The following GRM7 variants were observed in gnomAD, a reference collection of about 807,000 sequenced individuals.
The protein encoded by GRM7 is metabotropic glutamate receptor 7.
GRM7 carries 35 observed loss-of-function variants against 84.5 expected under a neutral mutation model. That is an observed-to-expected ratio of 0.41 (90% CI 0.32 to 0.55). The LOEUF is 0.55. GRM7 is among the 20% of genes least tolerant of loss of function. The pLI, the probability that GRM7 is intolerant of heterozygous loss-of-function variation, is 0.19. For synonymous variants in GRM7, 487 were observed against 455.1 expected, an observed-to-expected ratio of 1.07 and a Z score of -0.89; for missense variants, 1,003 against 1,194.6, an observed-to-expected ratio of 0.84 and a Z score of 2.36.
chr3:7,494,004 ATT>A (rs997723012), intron 7 of GRM7, among the ~76,000 whole-genome samples: 3 of 152,082 alleles, frequency 2.0e-5, no homozygotes, highest in Non-Finnish European at 4.4e-5. Context: ...TGGTGTTACC[ATT>A]TTGTCTCAGT....
chr3:7,576,648 C>T (rs932062582), intron 7 of GRM7, among the ~76,000 whole-genome samples: 2 of 152,130 alleles, frequency 1.3e-5, no homozygotes, highest in African/African-American at 4.8e-5. Context: ...AAACATGTCT[C>T]AGACTTTCCA....
chr3:6,929,665 A>G (rs1259190111), intron 1 of GRM7, among the ~76,000 whole-genome samples: 2 of 152,226 alleles, frequency 1.3e-5, no homozygotes, highest in African/African-American at 2.4e-5. Flanking sequence ...ACTGTCAATA[A>G]GATGCATATA....
intron 1 of GRM7, among the ~76,000 whole-genome samples, chr3:7,122,931 C>A (rs1693273081): frequency 1.0e-5 from 1 of 97,912 alleles, no homozygotes. Context: ...AGGGTGGGAA[C>A]AACCTGCAGC....
At chr3:7,414,886 A>AT (rs555467153) in intron 4 of GRM7, 137 bp from the exon 5 acceptor site, 27,807 of 432,916 alleles carry the variant, frequency 0.064, 4 homozygotes, top group East Asian at 0.091. Flanking sequence ...CCTTCTGTTA[A>AT]TTTTTTTTTT....
intron 2 of GRM7, among the ~76,000 whole-genome samples, chr3:7,296,202 C>A (rs1699810010): frequency 6.6e-6 from 1 of 151,840 alleles, no homozygotes; most frequent in African/African-American, 2.4e-5. Context: ...ATTGATTTTT[C>A]AAATAATAAA....
chr3:7,394,731 T>C (rs1318417365), intron 4 of GRM7, among the ~76,000 whole-genome samples: 5 of 152,108 alleles, frequency 3.3e-5, no homozygotes, highest in Admixed American at 3.3e-4. Context: ...AGACCTGAGT[T>C]TGAATTCATT....
At chr3:7,351,867 G>A (rs73113776) in intron 4 of GRM7, among the ~76,000 whole-genome samples, 6,131 of 151,946 alleles carry the variant, frequency 0.04, 271 homozygotes, top group African/African-American at 0.11. Context: ...TTGGTTTTGA[G>A]GCTTTCAAAC....
intron 8 of GRM7, among the ~76,000 whole-genome samples, chr3:7,667,619 A>T: frequency 6.6e-6 from 1 of 151,728 alleles, no homozygotes; most frequent in South Asian, 2.1e-4. Context: ...TTTTCTAAGA[A>T]TTTTTTTTTC....
intron 1 of GRM7, chr3:6,956,523 A>C (rs979950652): frequency 4.4e-6 from 2 of 454,302 alleles, no homozygotes; most frequent in South Asian, 3.1e-5. Context: ...AACCAGAGAG[A>C]TTTCTGTGGC....
At chr3:7,055,390 G>A (rs973544847) in intron 1 of GRM7, among the ~76,000 whole-genome samples, 4 of 151,630 alleles carry the variant, frequency 2.6e-5, no homozygotes, top group African/African-American at 9.7e-5. Flanking sequence ...CATAGGTGGA[G>A]AACCGTTTTG....
At chr3:7,020,995 C>A (rs1321915936) in intron 1 of GRM7, among the ~76,000 whole-genome samples, 1 of 152,176 alleles carries the variant, frequency 6.6e-6, no homozygotes, top group Non-Finnish European at 1.5e-5. Flanking sequence ...TAGGCCAAAT[C>A]ATTTTTAATA....
chr3:7,693,802 G>A (rs1024344100), intron 9 of GRM7: 50 of 621,244 alleles, frequency 8.0e-5, no homozygotes, highest in Non-Finnish European at 1.4e-4. Context: ...GTTTAGTCGG[G>A]GGTAGTTCTC....
intron 5 of GRM7, among the ~76,000 whole-genome samples, chr3:7,422,869 C>T (rs1200923803): frequency 1.3e-5 from 2 of 152,098 alleles, no homozygotes; most frequent in African/African-American, 4.8e-5. Flanking sequence ...AAATAAAAGG[C>T]ACATTTGTTG....
chr3:7,147,275 A>G (rs1036476958), intron 2 of GRM7, among the ~76,000 whole-genome samples: 1 of 152,150 alleles, frequency 6.6e-6, no homozygotes. Flanking sequence ...AATGGGTTCA[A>G]ATGTTTGGCC....
chr3:7,319,361 TCAAA>T (rs1424324473), intron 4 of GRM7, among the ~76,000 whole-genome samples: 1 of 151,968 alleles, frequency 6.6e-6, no homozygotes, highest in African/African-American at 2.4e-5. Context: ...GCCAAAAGTA[TCAAA>T]CAGTGTGTTA....
intron 1 of GRM7, among the ~76,000 whole-genome samples, chr3:7,091,671 T>A (rs1197378293): frequency 9.1e-6 from 1 of 109,754 alleles, no homozygotes; most frequent in Non-Finnish European, 1.9e-5. Flanking sequence ...CTCTACCTTT[T>A]CAACAAATAT....
intron 1 of GRM7, among the ~76,000 whole-genome samples, chr3:7,099,930 A>ATG (rs1699051059): frequency 6.8e-6 from 1 of 147,434 alleles, no homozygotes; most frequent in Non-Finnish European, 1.5e-5. Context: ...TATATTATAT[A>ATG]TATTATGATA....
chr3:7,601,442 A>G (rs987403429), intron 8 of GRM7, among the ~76,000 whole-genome samples: 2 of 152,100 alleles, frequency 1.3e-5, no homozygotes, highest in Non-Finnish European at 2.9e-5. Flanking sequence ...TCAGGTAGTA[A>G]ATAAGTACAT....
chr3:7,646,699 G>T (rs916887920), intron 8 of GRM7, among the ~76,000 whole-genome samples: 3 of 152,142 alleles, frequency 2.0e-5, no homozygotes, highest in African/African-American at 7.2e-5. Flanking sequence ...TTTTGGGGGG[G>T]AAGGTTATAT....
Sources: allele counts gnomAD v4.1 joint callset (sites outside exome capture counted in the v4.1 genomes callset), GRCh38; gene constraint gnomAD v4.1.1; transcripts MANE v1.5; gene names NCBI Gene and HGNC (gene_info 2026-07-23, HGNC 2026-07-21).